The following CNOT9 variants were observed in gnomAD, a reference collection of about 807,000 sequenced individuals.
CNOT9 encodes CCR4-NOT transcription complex subunit 9.
Under a neutral mutation model 37.4 loss-of-function variants are expected in CNOT9, and 8 were observed. The ratio of observed to expected loss-of-function variants is 0.21; its 90% CI spans 0.13 to 0.39. CNOT9 has a LOEUF of 0.39. Ranked by LOEUF, CNOT9 falls within the 10% of genes least tolerant of loss-of-function variation. The pLI is 1.00. For synonymous variants in CNOT9, 120 were observed against 137.6 expected, an observed-to-expected ratio of 0.87 and a Z score of 0.90; for missense variants, 154 against 365.3, an observed-to-expected ratio of 0.42 and a Z score of 4.71.
At chr2:218,580,838 T>C (rs997908258) in intron 2 of CNOT9, 98 bp downstream of exon 2, 15 of 1,172,060 alleles carry the variant, frequency 1.3e-5, no homozygotes, top group Non-Finnish European at 1.8e-5. Flanking sequence ...AGGAGGATGA[T>C]TCTTTAAAAA....
chr2:218,569,709 C>T (rs1025686578), intron 1 of CNOT9, among the ~76,000 whole-genome samples: 5 of 152,216 alleles, frequency 3.3e-5, no homozygotes, highest in African/African-American at 1.2e-4. Context: ...TAACCCTCTG[C>T]AACGCGCTTA....
Position 218,572,017 on chromosome 2 carries a change from TTAAG to T in CNOT9, c.24+3044_24+3047del, listed in dbSNP as rs139297633. Among the ~76,000 whole-genome samples the T allele has an allele frequency of 5.3e-3, 806 of 152,174 alleles. 10 individuals carry two copies. The highest frequency in any genetic ancestry group is 5.9e-3 in the Non-Finnish European group (401 of 67,996). ...GTACCACACAGGATTATTCTAAAGA[TTAAG>T]TAAGAATAACAAAATGCGGCCGGGT... On this transcript the variant is annotated intron_variant, in intron 1 of 7. Transcript: ENST00000273064.
chr2:218,569,706 CTG>C (rs1200349945), intron 1 of CNOT9, among the ~76,000 whole-genome samples: 4 of 152,336 alleles, frequency 2.6e-5, no homozygotes, highest in South Asian at 2.1e-4. Context: ...ACCTAACCCT[CTG>C]CAACGCGCTT....
intron 3 of CNOT9, among the ~76,000 whole-genome samples, 174 bp downstream of exon 3, chr2:218,583,260 TCTCTCTCTC>T (rs1694477631): frequency 7.4e-6 from 1 of 134,974 alleles, no homozygotes; most frequent in Admixed American, 7.2e-5. Flanking sequence ...TCTCTCTCTC[TCTCTCTCTC>T]TCTCTCTCTC....
chr2:218,584,570 A>T, intron 3 of CNOT9, 42 bp from the exon 4 acceptor site: 3 of 1,427,704 alleles, frequency 2.1e-6, no homozygotes, highest in Non-Finnish European at 3.0e-6. Flanking sequence ...GATCCTTAGA[A>T]ATCAACCCTG....
intron 7 of CNOT9, 175 bp from the exon 8 acceptor site, chr2:218,593,933 T>C (rs538483): frequency 0.59 from 568,486 of 957,272 alleles, 170,320 homozygotes; most frequent in East Asian, 0.79. Context: ...ATACAGATTT[T>C]GGAGATCTCT....
At chr2:218,583,116 A>G in intron 3 of CNOT9, 30 bp downstream of exon 3, 1 of 1,386,810 alleles carries the variant, frequency 7.2e-7, no homozygotes, top group Non-Finnish European at 1.0e-6. Flanking sequence ...CACTTGGGGG[A>G]GATATACATT....
At chr2:218,593,267 T>C (rs1694840443) in intron 7 of CNOT9, among the ~76,000 whole-genome samples, 1 of 152,230 alleles carries the variant, frequency 6.6e-6, no homozygotes, top group Non-Finnish European at 1.5e-5. Context: ...CTAAACCACG[T>C]AATGGAGCAA....
intron 4 of CNOT9, among the ~76,000 whole-genome samples, chr2:218,585,386 C>CT (rs560441438): frequency 6.6e-5 from 10 of 150,888 alleles, no homozygotes; most frequent in African/African-American, 2.4e-4. Context: ...TTTTCATCTA[C>CT]TTTTTTTTTA....
At chr2:218,586,620 C>A (rs1243276128) in intron 4 of CNOT9, among the ~76,000 whole-genome samples, 5 of 152,024 alleles carry the variant, frequency 3.3e-5, no homozygotes, top group Non-Finnish European at 5.9e-5. Context: ...TCCCGAGTAG[C>A]TGGGACTACA....
In CNOT9 at chr2:218,594,241, A is replaced by T. The variant is rs772244185; in HGVS notation, c.865A>T (p.Thr289Ser). The T allele has an allele frequency of 6.2e-7, 1 of 1,613,836 alleles. No homozygotes were observed. Among genetic ancestry groups the T allele is most frequent in the Admixed American group, 1.7e-5 (1 of 59,952 alleles). ...GAAGAACCTGCAAGAGGGCCAGGTC[A>T]CCGATCCCCGGGGTATCCCCCTGCC... ...LVKNLQEGQVTDPRGIPLPPQ is the reference protein window; with the variant it reads ...LVKNLQEGQVSDPRGIPLPPQ Residue 289 changes from threonine (T) to serine (S), a missense_variant, in exon 8 of 8, where the codon ACC (threonine) becomes TCC (serine). Thr to Ser is a moderately conservative substitution (Grantham distance 58). Around this residue, in one of 2 missense-constraint regions of CNOT9, gnomAD observed 117 missense variants for 325.4 expected, o/e 0.36. Transcript: ENST00000273064.
rs573272106 is a variant in CNOT9, at chr2:218,568,885, C to T, written c.-70C>T. The T allele has an allele frequency of 4.5e-6, 7 of 1,553,822 alleles. No individual in the cohort carries two copies. In the African/African-American group the frequency reaches 8.2e-5, roughly 18 times the overall value. ...TACGGCGGCTCATTGTTTTCCGCTG[C>T]AGGGGTGCTGAAGGGGGGACGCGGG... is the stretch of plus-strand genomic sequence containing the variant. On this transcript the variant is annotated 5_prime_UTR_variant, in exon 1 of 8. It introduces an in-frame stop codon into an upstream open reading frame of the 5' UTR. Coordinates refer to ENST00000273064, the MANE Select transcript of CNOT9 (RefSeq NM_005444.3).
intron 1 of CNOT9, among the ~76,000 whole-genome samples, chr2:218,579,045 T>A (rs1043838889): frequency 2.6e-5 from 4 of 152,182 alleles, no homozygotes; most frequent in African/African-American, 7.2e-5. Flanking sequence ...ACAGGTTTTC[T>A]GCTCAGTTGA....
In CNOT9 at chr2:218,595,316, G is replaced by A. The variant is rs974968864; in HGVS notation, c.*1040G>A. The A allele has an allele frequency of 2.1e-5, 3 of 144,792 alleles. No individual in the cohort carries two copies. The highest frequency in any genetic ancestry group is 7.6e-5 in the African/African-American group (3 of 39,580). 9.0% of individuals were successfully genotyped at this position (144,792 alleles called of 1,614,324 possible). A position where few individuals can be genotyped will look rare whatever the true frequency, so the allele number is the denominator to read the frequency against. ...AGTGTGAATTTCAGCAGCTCCATCT[G>A]TCTTCATGATTGTACTTGAGCAGTA... On this transcript the variant is annotated 3_prime_UTR_variant, in exon 8 of 8. Transcript: ENST00000273064.
intron 5 of CNOT9, 77 bp downstream of exon 5, chr2:218,587,772 T>C (rs1694639963): frequency 3.2e-6 from 2 of 623,800 alleles, no homozygotes. Context: ...TCATTTTCTC[T>C]CTTCAAGCTT....
At chr2:218,574,752 A>G (rs946801704) in intron 1 of CNOT9, among the ~76,000 whole-genome samples, 2 of 152,222 alleles carry the variant, frequency 1.3e-5, no homozygotes, top group South Asian at 2.1e-4. Context: ...GACCTAATCT[A>G]TAGTAGCAGA....
chr2:218,584,431 G>A (rs1404994250), intron 3 of CNOT9, among the ~76,000 whole-genome samples, 181 bp from the exon 4 acceptor site: 1 of 152,124 alleles, frequency 6.6e-6, no homozygotes, highest in African/African-American at 2.4e-5. Flanking sequence ...CCTCCAGGGG[G>A]CAAAATTTAC....
chr2:218,576,011 C>T (rs951248349), intron 1 of CNOT9, among the ~76,000 whole-genome samples: 2 of 152,062 alleles, frequency 1.3e-5, no homozygotes, highest in African/African-American at 2.4e-5. Context: ...ATGGTTTCAT[C>T]GATTGTTAAA....
intron 2 of CNOT9, among the ~76,000 whole-genome samples, chr2:218,582,472 C>T (rs1034270474): frequency 6.6e-6 from 1 of 152,170 alleles, no homozygotes; most frequent in African/African-American, 2.4e-5. Flanking sequence ...GGGCAGATCA[C>T]GAGGTCAGCA....
Sources: allele counts gnomAD v4.1 joint callset (sites outside exome capture counted in the v4.1 genomes callset), GRCh38; gene constraint gnomAD v4.1.1; regional missense constraint gnomAD v4.1.1; transcripts MANE v1.5; gene names NCBI Gene and HGNC (gene_info 2026-07-23, HGNC 2026-07-21).